SLC35F2: variants seen among roughly 807,000 people sequenced by gnomAD.
SLC35F2 encodes queuine/queuosine transporter SLC35F2.
In SLC35F2, 25 loss-of-function variants were observed where a neutral mutation model predicts 38.1. The ratio of observed to expected loss-of-function variants is 0.66; its 90% CI spans 0.48 to 0.92. SLC35F2 has a LOEUF of 0.92. Among genes scored for constraint, SLC35F2 ranks in the 40% least tolerant of loss-of-function variants. The probability of loss-of-function intolerance (pLI) is 0.00; values close to 1 mark genes in which losing one functional copy is unlikely to be tolerated. For missense variants in SLC35F2, 409 were observed against 452.9 expected (o/e 0.90, Z 0.88); for synonymous variants, 173 against 181.7 (o/e 0.95, Z 0.38).
At chr11:107,801,166 C>T (rs1370231561) in intron 7 of SLC35F2, among the ~76,000 whole-genome samples, 1 of 151,936 alleles carries the variant, frequency 6.6e-6, no homozygotes, top group Non-Finnish European at 1.5e-5. Context: ...CTCAGCTTCC[C>T]AAAGTGCTGG....
At chr11:107,855,134 A>T (rs1860255961) in intron 1 of SLC35F2, among the ~76,000 whole-genome samples, 1 of 152,198 alleles carries the variant, frequency 6.6e-6, no homozygotes, top group African/African-American at 2.4e-5. Context: ...AGAGGTAGGA[A>T]TGGAAACTTT....
intron 1 of SLC35F2, among the ~76,000 whole-genome samples, chr11:107,829,090 A>G (rs1859796167): frequency 6.6e-6 from 1 of 150,696 alleles, no homozygotes; most frequent in Admixed American, 6.6e-5. Context: ...CCTGGGCGAC[A>G]GAGTGAGACT....
intron 6 of SLC35F2, among the ~76,000 whole-genome samples, chr11:107,804,132 G>T (rs796407791): frequency 1.2e-4 from 18 of 152,044 alleles, no homozygotes; most frequent in African/African-American, 4.3e-4. Context: ...CACCGCACCA[G>T]GCCTGCAATC....
At chr11:107,807,282 A>G (rs1859408651) in intron 3 of SLC35F2, among the ~76,000 whole-genome samples, 2 of 89,732 alleles carry the variant, frequency 2.2e-5, no homozygotes, top group South Asian at 3.2e-4. Context: ...AAAAAAAAAA[A>G]AAAACAACAA....
At chr11:107,824,625 T>C (rs1240240688) in intron 1 of SLC35F2, among the ~76,000 whole-genome samples, 1 of 152,226 alleles carries the variant, frequency 6.6e-6, no homozygotes, top group African/African-American at 2.4e-5. Context: ...GATCTAACTC[T>C]ACTCTTTATT....
At chr11:107,807,305 T>C (rs1411437600) in intron 3 of SLC35F2, among the ~76,000 whole-genome samples, 1 of 91,520 alleles carries the variant, frequency 1.1e-5, no homozygotes, top group African/African-American at 3.8e-5. Flanking sequence ...AAAAAAAACC[T>C]TGGGTGTGGT....
At chr11:107,806,673 C>CAA in intron 4 of SLC35F2, 44 bp downstream of exon 4, 6 of 1,596,692 alleles carry the variant, frequency 3.8e-6, no homozygotes, top group Non-Finnish European at 5.2e-6. Flanking sequence ...AAAACATAAA[C>CAA]AAATTTGCTG....
At chr11:107,802,948 C>T (rs10502098) in intron 7 of SLC35F2, 53 bp downstream of exon 7, 124,667 of 1,499,340 alleles carry the variant, frequency 0.083, 10,481 homozygotes, top group East Asian at 0.44. Context: ...AAACCTGCTA[C>T]GTTTTTTGGA....
chr11:107,841,855 G>A (rs1356575182), intron 1 of SLC35F2, among the ~76,000 whole-genome samples: 1 of 151,922 alleles, frequency 6.6e-6, no homozygotes, highest in Admixed American at 6.6e-5. Flanking sequence ...ATGAGGTCAG[G>A]AGTTCGAAAC....
chr11:107,807,641 C>T (rs561374231), intron 3 of SLC35F2, among the ~76,000 whole-genome samples: 4 of 151,754 alleles, frequency 2.6e-5, no homozygotes, highest in Admixed American at 6.6e-5. Context: ...GGTGCAATCT[C>T]GGCTCACTGC....
intron 1 of SLC35F2, among the ~76,000 whole-genome samples, chr11:107,837,318 CAAAT>C (rs1859944316): frequency 6.6e-6 from 1 of 151,974 alleles, no homozygotes; most frequent in African/African-American, 2.4e-5. Context: ...GTTTATGTGC[CAAAT>C]AAATAGCAGC....
Position 107,816,280 on chromosome 11 carries a change from G to A in SLC35F2, c.111-315C>T, listed in dbSNP as rs1173777030. ...GTAAAGTGCGCACGTGTGTGTGTGT[G>A]TGTATGACTTTTTTTTTTTGAGACA... On this transcript the variant is annotated intron_variant, in intron 1 of 7. Coordinates refer to ENST00000525815, the MANE Select transcript of SLC35F2 (RefSeq NM_017515.5). 8.1e-6 allele frequency: 8 copies of A among 983,462 alleles called. No individual in the cohort carries two copies. In the East Asian group the frequency reaches 8.0e-4, roughly 98 times the overall value. The allele number at this position is 983,462 out of a possible 1,614,324, so 60.9% of individuals were successfully genotyped here.
rs190012802 is a variant in SLC35F2, at chr11:107,844,750, G to A, written c.110+13908C>T. Among the ~76,000 whole-genome samples, 580 of 151,756 alleles carry A rather than the reference G, an allele frequency of 3.8e-3. 3 individuals are homozygous for A. Among genetic ancestry groups the A allele is most frequent in the African/African-American group, 0.013 (531 of 41,374 alleles). On this transcript the variant is annotated intron_variant, in intron 1 of 7. Coordinates refer to ENST00000525815, the MANE Select transcript of SLC35F2 (RefSeq NM_017515.5). The stretch of plus-strand genomic sequence containing the variant: ...AGCACTTTGGGAGGCCAAAGCGGGC[G>A]GATCACAAGGTCAGGAGATCGAGAC...
intron 1 of SLC35F2, among the ~76,000 whole-genome samples, chr11:107,855,997 C>G (rs1460321606): frequency 6.8e-6 from 1 of 147,806 alleles, no homozygotes; most frequent in Non-Finnish European, 1.5e-5. Context: ...CCTAGCTACT[C>G]AGGAGGCTGA....
chr11:107,798,929 A>G (rs551204653), intron 7 of SLC35F2, among the ~76,000 whole-genome samples: 19 of 152,118 alleles, frequency 1.2e-4, no homozygotes, highest in Non-Finnish European at 2.6e-4. Flanking sequence ...TACACAAATT[A>G]GCCGGGTTTG....
At chr11:107,823,264 T>G (rs1859703734) in intron 1 of SLC35F2, 2 of 968,890 alleles carry the variant, frequency 2.1e-6, no homozygotes, top group African/African-American at 3.5e-5. Flanking sequence ...TCTTTTTATT[T>G]GAAAAAAAGG....
intron 7 of SLC35F2, among the ~76,000 whole-genome samples, chr11:107,796,119 A>C (rs1377956013): frequency 6.6e-6 from 1 of 152,132 alleles, no homozygotes; most frequent in East Asian, 1.9e-4. Flanking sequence ...ACAGAGCAAA[A>C]ACTCCATCTC....
chr11:107,794,463 GA>G (rs1376075066), intron 7 of SLC35F2, among the ~76,000 whole-genome samples: 1 of 152,172 alleles, frequency 6.6e-6, no homozygotes, highest in Non-Finnish European at 1.5e-5. Context: ...AAAAATTAGA[GA>G]AACTATGTAC....
intron 1 of SLC35F2, among the ~76,000 whole-genome samples, chr11:107,827,288 T>G (rs1199412186): frequency 6.6e-6 from 1 of 152,166 alleles, no homozygotes; most frequent in East Asian, 1.9e-4. Flanking sequence ...CCCTAGTGCC[T>G]AGATAATGGC....
Sources: allele counts gnomAD v4.1 joint callset (sites outside exome capture counted in the v4.1 genomes callset), GRCh38; gene constraint gnomAD v4.1.1; transcripts MANE v1.5; gene names NCBI Gene and HGNC (gene_info 2026-07-23, HGNC 2026-07-21).